Variants in DPP10 observed in about 807,000 individuals in gnomAD.
The protein encoded by DPP10 is inactive dipeptidyl peptidase 10.
In DPP10, 33 loss-of-function variants were observed where a neutral mutation model predicts 120.9. That is an observed-to-expected ratio of 0.27 (90% CI 0.21 to 0.37). The LOEUF is 0.37. Ranked by LOEUF, DPP10 falls within the 10% of genes least tolerant of loss-of-function variation. The pLI is 1.00. For synonymous variants in DPP10, 337 were observed against 326.1 expected (o/e 1.03, Z -0.36); for missense variants, 816 against 942.8 (o/e 0.87, Z 1.76).
chr2:114,499,802 C>T (rs1483514522), intron 1 of DPP10, among the ~76,000 whole-genome samples: 1 of 152,198 alleles, frequency 6.6e-6, no homozygotes, highest in African/African-American at 2.4e-5. Flanking sequence ...ATGAAAGCTT[C>T]ATCCTGTAGA....
At chr2:115,500,416 A>G (rs1038832756) in intron 4 of DPP10, among the ~76,000 whole-genome samples, 19 of 152,026 alleles carry the variant, frequency 1.2e-4, no homozygotes, top group Non-Finnish European at 2.9e-5. Context: ...ATAAAAAAAT[A>G]AGCAAAATTG....
intron 1 of DPP10, among the ~76,000 whole-genome samples, chr2:115,307,523 C>T (rs1473962472): frequency 6.6e-6 from 1 of 152,026 alleles, no homozygotes. Flanking sequence ...GGTTCTTGGC[C>T]CAGATACCCA....
At chr2:115,544,320 T>A (rs918580255) in intron 5 of DPP10, among the ~76,000 whole-genome samples, 3 of 152,116 alleles carry the variant, frequency 2.0e-5, no homozygotes, top group Admixed American at 1.3e-4. Flanking sequence ...CCTCCTGGGC[T>A]ACCTTCAGCA....
intron 3 of DPP10, among the ~76,000 whole-genome samples, chr2:115,417,539 A>G (rs1473236386): frequency 6.6e-6 from 1 of 152,160 alleles, no homozygotes; most frequent in African/African-American, 2.4e-5. Context: ...CTTAACACAT[A>G]CTAACTTTTG....
intron 1 of DPP10, among the ~76,000 whole-genome samples, chr2:115,233,379 GT>G (rs1473013532): frequency 6.6e-6 from 1 of 152,100 alleles, no homozygotes; most frequent in East Asian, 1.9e-4. Flanking sequence ...GTCTTATCTA[GT>G]TTTTTAAGAC....
chr2:115,507,053 C>CAT (rs1575047377), intron 4 of DPP10, among the ~76,000 whole-genome samples: 2 of 151,776 alleles, frequency 1.3e-5, no homozygotes, highest in East Asian at 3.9e-4. Flanking sequence ...CACACACACA[C>CAT]ACAGACACAC....
chr2:114,811,953 C>A (rs2106325142), intron 1 of DPP10, among the ~76,000 whole-genome samples: 1 of 152,298 alleles, frequency 6.6e-6, no homozygotes, highest in African/African-American at 2.4e-5. Flanking sequence ...TATCTCTGCT[C>A]TGTATTTCCA....
Position 115,557,091 on chromosome 2 carries a change from A to G in DPP10, c.441+31119A>G, listed in dbSNP as rs899190462. Among the ~76,000 whole-genome samples, 3 of 152,296 alleles carry G rather than the reference A, an allele frequency of 2.0e-5. No individual in the cohort carries two copies. The South Asian group carries it at 6.2e-4, about 32-fold the overall frequency. On this transcript the variant is annotated intron_variant, in intron 5 of 25. Transcript: ENST00000410059. ...GACTTAGAGGTACCCCATGTATTCC[A>G]CTAAAATAATTTGTATTTTGTTAGA...
chr2:114,940,556 CAAA>C (rs765537282), intron 1 of DPP10, among the ~76,000 whole-genome samples: 88 of 107,202 alleles, frequency 8.2e-4, no homozygotes, highest in South Asian at 6.1e-3. Context: ...GACCACTCAG[CAAA>C]AAAAAAAAAA....
At chr2:115,824,189 A>G (rs954186153) in intron 21 of DPP10, among the ~76,000 whole-genome samples, 3 of 152,044 alleles carry the variant, frequency 2.0e-5, no homozygotes, top group South Asian at 2.1e-4. Context: ...AAAATGCTCA[A>G]TGTTTTTGTC....
chr2:114,490,481 C>G (rs1390680408), intron 1 of DPP10, among the ~76,000 whole-genome samples: 1 of 135,106 alleles, frequency 7.4e-6, no homozygotes, highest in Non-Finnish European at 1.6e-5. Context: ...AGGTAAAGGG[C>G]CCTTGAGAGG....
chr2:114,522,932 A>G (rs1685194833), intron 1 of DPP10, among the ~76,000 whole-genome samples: 1 of 152,206 alleles, frequency 6.6e-6, no homozygotes, highest in Non-Finnish European at 1.5e-5. Context: ...ACTTGCCACC[A>G]TGATTCAATT....
chr2:114,556,424 G>T (rs1156916005), intron 1 of DPP10, among the ~76,000 whole-genome samples: 1 of 151,910 alleles, frequency 6.6e-6, no homozygotes, highest in Non-Finnish European at 1.5e-5. Flanking sequence ...GGCCTGAAGA[G>T]TTGGGTGAAT....
intron 7 of DPP10, among the ~76,000 whole-genome samples, chr2:115,712,683 A>G (rs1163947034): frequency 6.7e-6 from 1 of 149,918 alleles, no homozygotes; most frequent in African/African-American, 2.5e-5. Flanking sequence ...GCTTTGTAAG[A>G]CAAGAGACAA....
At chr2:114,908,331 C>T (rs1318426006) in intron 1 of DPP10, among the ~76,000 whole-genome samples, 8 of 151,860 alleles carry the variant, frequency 5.3e-5, no homozygotes, top group East Asian at 3.9e-4. Context: ...GTTGGATTTG[C>T]ATCTGCTAGT....
intron 1 of DPP10, among the ~76,000 whole-genome samples, chr2:115,237,719 T>G (rs1393253764): frequency 6.6e-6 from 1 of 152,120 alleles, no homozygotes; most frequent in African/African-American, 2.4e-5. Flanking sequence ...ATTGCTGATA[T>G]GAAGAAAGTT....
At chr2:115,658,284 TTAGTATCTTTTTATTTATTTTGAATA>T (rs1237174877) in intron 5 of DPP10, among the ~76,000 whole-genome samples, 1 of 151,970 alleles carries the variant, frequency 6.6e-6, no homozygotes, top group Non-Finnish European at 1.5e-5. Context: ...TTCTACCCCT[TTAGTATCTTTTTATTTATTTTGAATA>T]ATGTTTTCAT....
At chr2:115,759,710 T>A in intron 11 of DPP10, among the ~76,000 whole-genome samples, 1 of 9,004 alleles carries the variant, frequency 1.1e-4, no homozygotes, top group South Asian at 0.12. Flanking sequence ...TATACATTCA[T>A]ATATAAAAAC....
intron 4 of DPP10, among the ~76,000 whole-genome samples, chr2:115,512,929 T>A (rs372131899): frequency 1.3e-5 from 2 of 152,128 alleles, no homozygotes; most frequent in African/African-American, 4.8e-5. Flanking sequence ...TCTATTTTAT[T>A]ACTGATGTTC....
Sources: gnomAD v4.1 joint callset for allele counts (sites outside exome capture counted in the v4.1 genomes callset) on GRCh38, gnomAD v4.1.1 for gene constraint, MANE v1.5 for transcripts, NCBI Gene and HGNC (gene_info 2026-07-23, HGNC 2026-07-21) for gene names.